The following ADGRL3 variants were observed in gnomAD, a reference collection of about 807,000 sequenced individuals.
The protein encoded by ADGRL3 is adhesion G protein-coupled receptor L3, also known as calcium-independent alpha-latrotoxin receptor 3.
In ADGRL3, 62 loss-of-function variants were observed where a neutral mutation model predicts 153.5. The ratio of observed to expected loss-of-function variants is 0.40; its 90% CI spans 0.33 to 0.50. ADGRL3 has a LOEUF of 0.50. Ranked by LOEUF, ADGRL3 falls within the 20% of genes least tolerant of loss-of-function variation. ADGRL3 has a pLI of 0.47. For missense variants in ADGRL3, 1,641 were observed against 1,859.4 expected (o/e 0.88, Z 2.16); for synonymous variants, 710 against 672.5 (o/e 1.06, Z -0.86).
chr4:62,029,273 T>G (rs1264964646), intron 22 of ADGRL3, among the ~76,000 whole-genome samples: 3 of 151,788 alleles, frequency 2.0e-5, no homozygotes, highest in African/African-American at 7.2e-5. Context: ...TTTACTGGTA[T>G]ATCTTCAAAA....
At chr4:61,839,517 G>GA (rs534958130) in intron 9 of ADGRL3, among the ~76,000 whole-genome samples, 8 of 150,898 alleles carry the variant, frequency 5.3e-5, no homozygotes, top group African/African-American at 1.7e-4. Context: ...AAACTAAGAG[G>GA]AAAAAAAAGT....
intron 11 of ADGRL3, among the ~76,000 whole-genome samples, chr4:61,900,961 T>A (rs1684899538): frequency 6.6e-6 from 1 of 152,186 alleles, no homozygotes; most frequent in African/African-American, 2.4e-5. Context: ...GTCTCTTGCC[T>A]CAGCTTGATC....
At chr4:62,020,041 T>C (rs2099230741) in intron 21 of ADGRL3, among the ~76,000 whole-genome samples, 1 of 152,116 alleles carries the variant, frequency 6.6e-6, no homozygotes, top group Non-Finnish European at 1.5e-5. Context: ...GAATCTTTAG[T>C]TAGTACAGAT....
chr4:61,277,563 A>G (rs1394946), intron 1 of ADGRL3, among the ~76,000 whole-genome samples: 117,279 of 151,888 alleles, frequency 0.77, 45,667 homozygotes, highest in Non-Finnish European at 0.83. Flanking sequence ...GAACTGACTA[A>G]AATCCACAAT....
intron 8 of ADGRL3, among the ~76,000 whole-genome samples, chr4:61,751,023 C>T (rs564013353): frequency 5.4e-4 from 82 of 152,166 alleles, no homozygotes; most frequent in African/African-American, 1.9e-3. Flanking sequence ...GCCTGAGCTC[C>T]GCCTCCTGTC....
At chr4:61,230,102 T>C (rs1749938208) in intron 1 of ADGRL3, among the ~76,000 whole-genome samples, 1 of 151,916 alleles carries the variant, frequency 6.6e-6, no homozygotes. Context: ...GCTACAAGGG[T>C]GTCTGGAAAG....
chr4:61,489,085 A>C (rs2098229167), intron 2 of ADGRL3, among the ~76,000 whole-genome samples: 1 of 151,826 alleles, frequency 6.6e-6, no homozygotes, highest in Non-Finnish European at 1.5e-5. Flanking sequence ...TCGAATGCCT[A>C]CTCTTGCCAG....
chr4:61,800,022 A>G (rs1397263609), intron 8 of ADGRL3, among the ~76,000 whole-genome samples: 1 of 152,204 alleles, frequency 6.6e-6, no homozygotes, highest in African/African-American at 2.4e-5. Context: ...TTGCATCTCT[A>G]GAACCTGTCT....
chr4:61,272,729 A>C (rs1230835150), intron 1 of ADGRL3, among the ~76,000 whole-genome samples: 1 of 152,140 alleles, frequency 6.6e-6, no homozygotes, highest in Non-Finnish European at 1.5e-5. Flanking sequence ...TGTCAAAACT[A>C]TTGAATTAAT....
intron 4 of ADGRL3, among the ~76,000 whole-genome samples, chr4:61,552,428 G>C (rs948745693): frequency 2.0e-5 from 3 of 151,952 alleles, no homozygotes; most frequent in Non-Finnish European, 4.4e-5. Context: ...ATCTGTTGAA[G>C]GTAACATGTC....
chr4:61,935,854 T>A, intron 14 of ADGRL3, 69 bp from the exon 15 acceptor site: 1 of 1,383,448 alleles, frequency 7.2e-7, no homozygotes, highest in Non-Finnish European at 9.7e-7. Context: ...AATACTGCAA[T>A]GGTTTAGGAA....
intron 4 of ADGRL3, among the ~76,000 whole-genome samples, chr4:61,563,928 A>T (rs1331101146): frequency 6.6e-6 from 1 of 152,054 alleles, no homozygotes. Flanking sequence ...GAATCGATTG[A>T]ACTGGGGGAG....
At chr4:61,205,780 A>G (rs1736859888) in intron 1 of ADGRL3, among the ~76,000 whole-genome samples, 1 of 152,122 alleles carries the variant, frequency 6.6e-6, no homozygotes, top group African/African-American at 2.4e-5. Flanking sequence ...AATGGAGAGA[A>G]AAATCCAGAT....
At chr4:61,929,627 C>T (rs2098809013) in intron 13 of ADGRL3, among the ~76,000 whole-genome samples, 1 of 152,156 alleles carries the variant, frequency 6.6e-6, no homozygotes, top group South Asian at 2.1e-4. Flanking sequence ...CTGCTTTTGG[C>T]TCTTGTAAAT....
intron 13 of ADGRL3, among the ~76,000 whole-genome samples, chr4:61,918,363 A>T (rs13128833): frequency 0.72 from 109,675 of 152,038 alleles, 39,956 homozygotes; most frequent in African/African-American, 0.8. Flanking sequence ...GCAATATAGA[A>T]GTTAAATATG....
At chr4:61,712,479 T>C (rs1257786001) in intron 6 of ADGRL3, among the ~76,000 whole-genome samples, 2 of 152,170 alleles carry the variant, frequency 1.3e-5, no homozygotes, top group African/African-American at 4.8e-5. Flanking sequence ...AAGCCATGTA[T>C]CCTTAGACCA....
intron 1 of ADGRL3, among the ~76,000 whole-genome samples, chr4:61,343,358 C>T (rs2095843638): frequency 6.6e-6 from 1 of 152,120 alleles, no homozygotes; most frequent in Non-Finnish European, 1.5e-5. Context: ...TTCTTCTTTA[C>T]CCATATTAGG....
chr4:61,569,891 AC>A (rs2098831464), intron 4 of ADGRL3, among the ~76,000 whole-genome samples: 1 of 152,194 alleles, frequency 6.6e-6, no homozygotes. Context: ...ATATCAAATT[AC>A]AAAAGTATTT....
chr4:61,695,896 T>A (rs1009999274), intron 6 of ADGRL3, among the ~76,000 whole-genome samples: 1 of 152,218 alleles, frequency 6.6e-6, no homozygotes, highest in Non-Finnish European at 1.5e-5. Flanking sequence ...GGAGATGGCC[T>A]CTTTCCTTAA....
Sources: allele counts gnomAD v4.1 joint callset (sites outside exome capture counted in the v4.1 genomes callset), GRCh38; gene constraint gnomAD v4.1.1; transcripts MANE v1.5; gene names NCBI Gene and HGNC (gene_info 2026-07-23, HGNC 2026-07-21).